ZNF331: variants seen among roughly 807,000 people sequenced by gnomAD.
The protein encoded by ZNF331 is C2H2-like zinc finger protein rearranged in thyroid adenomas.
A neutral mutation model predicts 7.0 loss-of-function variants in ZNF331; 2 were observed. That is an observed-to-expected ratio of 0.29 (90% confidence interval 0.12 to 0.90). The LOEUF (loss-of-function observed/expected upper bound fraction) is 0.90. Ranked by LOEUF, ZNF331 falls within the 40% of genes least tolerant of loss-of-function variation. ZNF331 has a pLI of 0.58. For synonymous variants in ZNF331, 196 were observed against 205.4 expected (o/e 0.95, Z 0.39); for missense variants, 432 against 587.7 (o/e 0.74, Z 2.74).
Position 53,568,960 on chromosome 19 carries a change from G to A in ZNF331, c.-73-344G>A, listed in dbSNP as rs552489227. The stretch of plus-strand genomic sequence containing the variant: ...CAACCTCCGCCTCCCGGGTTCAAGC[G>A]ATTCCCCTGCCTCAACCTCCCAAGT... On this transcript the variant is annotated intron_variant, in intron 3 of 5. Coordinates refer to ENST00000449416, the MANE Select transcript of ZNF331 (RefSeq NM_001079906.2). 3.4e-5 allele frequency among the ~76,000 whole-genome samples: 5 copies of A among 148,324 alleles called. No homozygotes were observed. In the South Asian group the frequency reaches 8.6e-4, roughly 25 times the overall value.
intron 3 of ZNF331, among the ~76,000 whole-genome samples, chr19:53,559,740 T>C (rs201357120): frequency 2.0e-5 from 3 of 150,250 alleles, no homozygotes; most frequent in East Asian, 2.0e-4. Flanking sequence ...TATACACATA[T>C]ACACCATACG....
At chr19:53,503,429 A>G in the ZNF331 span, 1 of 588,678 alleles carries the variant, frequency 1.7e-6, no homozygotes, top group Non-Finnish European at 3.0e-6. Context: ...CGATCTTCTT[A>G]TCGCAGACTG....
chr19:53,523,293 A>G (rs905855979), intron 2 of ZNF331: 1 of 151,062 alleles, frequency 6.6e-6, no homozygotes, highest in Non-Finnish European at 1.5e-5. Flanking sequence ...ATCTCAGCTC[A>G]CTGGAACCTC....
chr19:53,540,433 C>CT (rs1056672845), intron 2 of ZNF331, among the ~76,000 whole-genome samples: 7 of 150,570 alleles, frequency 4.6e-5, no homozygotes, highest in South Asian at 2.1e-4. Context: ...AGGAGATAGT[C>CT]TTTTTTTTTC....
At chr19:53,547,860 T>G (rs1416494973) in intron 2 of ZNF331, among the ~76,000 whole-genome samples, 5 of 152,200 alleles carry the variant, frequency 3.3e-5, no homozygotes, top group African/African-American at 1.2e-4. Context: ...TTCTGCCCAT[T>G]TATTATCAGG....
Position 53,571,511 on chromosome 19 carries a change from G to A in ZNF331, c.10-93G>A. ...GTCACGGGTGTTCAGTCTGCTCACG[G>A]TGTTCACCCTACCCAGAGGGTGGCC... On this transcript the variant is annotated intron_variant, in intron 4 of 5. Coordinates refer to ENST00000449416, the MANE Select transcript of ZNF331 (RefSeq NM_001079906.2). The surrounding 1 kb of genome is among the most constrained non-coding windows in gnomAD (Gnocchi z 4.7). The A allele has an allele frequency of 6.5e-7, 1 of 1,530,512 alleles. No individual in the cohort carries two copies. The highest frequency in any genetic ancestry group is 8.9e-7 in the Non-Finnish European group (1 of 1,126,452). The allele number at this position is 1,530,512 out of a possible 1,614,324, so 94.8% of individuals were successfully genotyped here. A position where few individuals can be genotyped will look rare whatever the true frequency, so the allele number is the denominator to read the frequency against.
chr19:53,521,386 G>C (rs1371930510), exon 1 of ZNF331: 1 of 152,834 alleles, frequency 6.5e-6, no homozygotes, highest in Non-Finnish European at 1.4e-5. Flanking sequence ...CTGCCTGGTG[G>C]GGCCCCGCCG....
At position 53,577,855 on chromosome 19, in the gene ZNF331, C is replaced by T. The variant is rs752346719; in HGVS notation, c.1295C>T (p.Thr432Met). Residue 432 changes from threonine to methionine, a missense_variant, in exon 6 of 6, where the codon ACG becomes ATG. Thr to Met is a moderately conservative substitution (Grantham distance 81). Around this residue, in one of 3 missense-constraint regions of ZNF331, gnomAD observed 312 missense variants for 448.6 expected, o/e 0.70. Coordinates refer to ENST00000449416, the MANE Select transcript of ZNF331 (RefSeq NM_001079906.2). ...HGHQLTQHQK[T>M]HSGAKSYECK... is the part of the protein sequence containing the mutation. ...CATCAGCTTACACAACATCAGAAAA[C>T]GCACAGTGGGGCGAAATCCTACGAA... 3.1e-6 allele frequency: 5 copies of T among 1,613,212 alleles called. No individual in the cohort carries two copies. The highest frequency in any genetic ancestry group is 1.7e-5 in the Admixed American group (1 of 59,946).
At chr19:53,544,356 T>C (rs183601464) in intron 2 of ZNF331, among the ~76,000 whole-genome samples, 3,254 of 150,140 alleles carry the variant, frequency 0.022, 98 homozygotes, top group African/African-American at 0.073. Flanking sequence ...CCATCCTGGC[T>C]AACACGGTGA....
chr19:53,556,971 C>CTTTTT (rs59869542), intron 3 of ZNF331, among the ~76,000 whole-genome samples: 2 of 69,624 alleles, frequency 2.9e-5, no homozygotes, highest in Non-Finnish European at 4.9e-5. Flanking sequence ...ACACCTGGCT[C>CTTTTT]TTTTTTTTTT....
At chr19:53,535,361 G>A (rs2087706774), upstream of ZNF331, among the ~76,000 whole-genome samples, 1 of 152,108 alleles carries the variant, frequency 6.6e-6, no homozygotes, top group Admixed American at 6.5e-5. Flanking sequence ...CAAAGTGCTG[G>A]GGTTACAGGT....
At chr19:53,569,418 A>T in intron 4 of ZNF331, 33 bp downstream of exon 4, 1 of 1,613,170 alleles carries the variant, frequency 6.2e-7, no homozygotes, top group Non-Finnish European at 8.5e-7. Context: ...TTCTTGAGCT[A>T]TGATATTTGC....
intron 3 of ZNF331, among the ~76,000 whole-genome samples, chr19:53,557,869 C>A (rs1334296210): frequency 2.0e-5 from 3 of 152,172 alleles, no homozygotes; most frequent in Non-Finnish European, 4.4e-5. Flanking sequence ...GAGGCTGAGG[C>A]AGGAGAATCG....
intron 2 of ZNF331, among the ~76,000 whole-genome samples, chr19:53,554,369 C>A (rs1161693408): frequency 6.6e-6 from 1 of 152,122 alleles, no homozygotes; most frequent in Non-Finnish European, 1.5e-5. Flanking sequence ...TGCGCGTACA[C>A]GTGCATGTCG....
At chr19:53,521,911 G>A (rs536198702) in exon 1 of ZNF331, 4 of 152,348 alleles carry the variant, frequency 2.6e-5, no homozygotes, top group African/African-American at 9.6e-5. Flanking sequence ...CTGCTAGGGA[G>A]CAGTGGTCCC....
chr19:53,537,152 G>A (rs893264235), upstream of ZNF331: 2 of 152,354 alleles, frequency 1.3e-5, no homozygotes, highest in African/African-American at 4.8e-5. Flanking sequence ...CTTCAACATT[G>A]TGTACAACTA....
upstream of ZNF331, among the ~76,000 whole-genome samples, chr19:53,518,222 G>A (rs1010937701): frequency 1.3e-5 from 2 of 152,162 alleles, no homozygotes; most frequent in African/African-American, 4.8e-5. Flanking sequence ...GCTTCCTTCT[G>A]CTTCTCCTGC....
At chr19:53,506,866 T>A in the ZNF331 span, among the ~76,000 whole-genome samples, 1 of 152,112 alleles carries the variant, frequency 6.6e-6, no homozygotes, top group Non-Finnish European at 1.5e-5. Flanking sequence ...AGACTAACTC[T>A]CCTGCCATTT....
rs2088012404 is a variant in ZNF331 at position 53,539,801 on chromosome 19, T to C, written c.-138+519T>C. ...CCCCAAAGACATTTAGACCCATTGG[T>C]CTACAATCGAAGGCTGTGTACCTTG... On this transcript the variant is annotated intron_variant, in intron 2 of 5. Transcript: ENST00000449416. The surrounding 1 kb of genome is among the most constrained non-coding windows in gnomAD (Gnocchi z 6.1). Among the ~76,000 whole-genome samples, 1 of 152,226 alleles carries C rather than the reference T, an allele frequency of 6.6e-6. No homozygotes were observed. Among genetic ancestry groups the C allele is most frequent in the Admixed American group, 6.5e-5 (1 of 15,286 alleles).
Sources: gnomAD v4.1 joint callset for allele counts (sites outside exome capture counted in the v4.1 genomes callset) on GRCh38, gnomAD v4.1.1 for gene constraint, gnomAD v4.1.1 regional missense constraint, Gnocchi (gnomAD v3.1) non-coding constraint, MANE v1.5 for transcripts, NCBI Gene and HGNC (gene_info 2026-07-23, HGNC 2026-07-21) for gene names.